The following VWA3B variants were observed in gnomAD, a reference collection of about 807,000 sequenced individuals.
VWA3B encodes the protein von Willebrand factor A domain-containing protein 3B.
Under a neutral mutation model 158.3 loss-of-function variants are expected in VWA3B, and 138 were observed. That is an observed-to-expected ratio of 0.87 (90% CI 0.76 to 1.00). VWA3B has a LOEUF of 1.00. Ranked by LOEUF, VWA3B falls within the 50% of genes least tolerant of loss-of-function variation. The probability of loss-of-function intolerance (pLI) is 0.00; values close to 1 mark genes in which losing one functional copy is unlikely to be tolerated. For missense variants in VWA3B, 1,555 were observed against 1,565.1 expected (o/e 0.99, Z 0.11); for synonymous variants, 596 against 587.3 (o/e 1.01, Z -0.21).
chr2:98,176,393 C>T (rs1462538674), intron 8 of VWA3B, among the ~76,000 whole-genome samples: 3 of 148,412 alleles, frequency 2.0e-5, no homozygotes, highest in African/African-American at 7.5e-5. Flanking sequence ...TTAACTCCAT[C>T]AATCCTGTCT....
intron 7 of VWA3B, among the ~76,000 whole-genome samples, chr2:98,153,558 T>C (rs1024032439): frequency 1.3e-5 from 2 of 152,232 alleles, no homozygotes; most frequent in African/African-American, 4.8e-5. Context: ...GGCAGACACC[T>C]GTGATCTCTA....
intron 6 of VWA3B, among the ~76,000 whole-genome samples, 181 bp downstream of exon 6, chr2:98,128,589 A>G (rs887499506): frequency 1.3e-5 from 2 of 151,664 alleles, no homozygotes; most frequent in African/African-American, 2.4e-5. Flanking sequence ...ATGACTTTCT[A>G]TTTTCTGCAA....
intron 22 of VWA3B, among the ~76,000 whole-genome samples, chr2:98,282,256 C>T (rs1284126302): frequency 6.6e-6 from 1 of 151,236 alleles, no homozygotes; most frequent in South Asian, 2.1e-4. Context: ...CTGAAGCTGG[C>T]CATTGTGCTT....
At chr2:98,214,228 A>T (rs956465582) in intron 13 of VWA3B, among the ~76,000 whole-genome samples, 37 of 152,084 alleles carry the variant, frequency 2.4e-4, no homozygotes, top group Admixed American at 2.0e-4. Flanking sequence ...ACACAAAAAA[A>T]ACAAAAAAAA....
At chr2:98,124,477 G>A (rs1233607999) in intron 5 of VWA3B, among the ~76,000 whole-genome samples, 2 of 152,146 alleles carry the variant, frequency 1.3e-5, no homozygotes, top group African/African-American at 2.4e-5. Context: ...GATCTGAGAG[G>A]TGAACTAGAT....
chr2:98,145,741 A>G (rs1230878559), intron 7 of VWA3B, among the ~76,000 whole-genome samples: 2 of 149,270 alleles, frequency 1.3e-5, no homozygotes, highest in Non-Finnish European at 3.0e-5. Context: ...TTTTTTTGAG[A>G]CAGGTTCTCA....
At chr2:98,135,617 G>A (rs1676227147) in intron 7 of VWA3B, among the ~76,000 whole-genome samples, 2 of 152,142 alleles carry the variant, frequency 1.3e-5, no homozygotes, top group South Asian at 2.1e-4. Flanking sequence ...TTACAGGCGT[G>A]AGCCACCGCG....
chr2:98,122,883 C>T (rs1438002094), intron 5 of VWA3B, among the ~76,000 whole-genome samples: 3 of 152,174 alleles, frequency 2.0e-5, no homozygotes, highest in African/African-American at 4.8e-5. Context: ...AAGAAGCTTC[C>T]AGGCACTGAT....
intron 7 of VWA3B, among the ~76,000 whole-genome samples, chr2:98,148,061 A>G (rs1222244492): frequency 6.6e-6 from 1 of 152,182 alleles, no homozygotes; most frequent in Non-Finnish European, 1.5e-5. Flanking sequence ...ATGGCTGCAT[A>G]GTATTCCATG....
intron 9 of VWA3B, among the ~76,000 whole-genome samples, chr2:98,185,544 G>A (rs1192419307): frequency 6.6e-6 from 1 of 152,216 alleles, no homozygotes; most frequent in Non-Finnish European, 1.5e-5. Flanking sequence ...CTCACTGGCT[G>A]TCCTCTCCTC....
At chr2:98,330,507 G>A in the VWA3B span, among the ~76,000 whole-genome samples, 17 of 152,034 alleles carry the variant, frequency 1.1e-4, no homozygotes, top group Middle Eastern at 3.2e-3. Context: ...AATTCTTAAG[G>A]TCCATCTGGT....
chr2:98,287,744 G>A (rs916088555), intron 22 of VWA3B, among the ~76,000 whole-genome samples: 2 of 152,158 alleles, frequency 1.3e-5, no homozygotes, highest in Admixed American at 1.3e-4. Context: ...GGGTGACATT[G>A]TTCCAGAAAG....
At chr2:98,223,876 G>A (rs62156677) in intron 14 of VWA3B, among the ~76,000 whole-genome samples, 7,201 of 152,080 alleles carry the variant, frequency 0.047, 258 homozygotes, top group Middle Eastern at 0.082. Flanking sequence ...GACTACAGGC[G>A]TGTGCCACCA....
At chr2:98,259,711 A>C (rs975757801) in intron 21 of VWA3B, among the ~76,000 whole-genome samples, 3 of 151,562 alleles carry the variant, frequency 2.0e-5, no homozygotes, top group Admixed American at 6.6e-5. Context: ...GATTCTCTCA[A>C]TTGTTTTTCT....
chr2:98,218,565 A>G (rs942098617), intron 14 of VWA3B, among the ~76,000 whole-genome samples: 2 of 152,232 alleles, frequency 1.3e-5, no homozygotes, highest in African/African-American at 4.8e-5. Flanking sequence ...CTCAGACTAT[A>G]TAACCATTTG....
chr2:98,120,118 G>A (rs1241942441), intron 4 of VWA3B, among the ~76,000 whole-genome samples: 1 of 152,184 alleles, frequency 6.6e-6, no homozygotes, highest in East Asian at 1.9e-4. Flanking sequence ...GAATTCAAAT[G>A]TCACTAATTT....
intron 14 of VWA3B, among the ~76,000 whole-genome samples, chr2:98,225,133 C>T (rs1684818957): frequency 6.6e-6 from 1 of 152,170 alleles, no homozygotes; most frequent in African/African-American, 2.4e-5. Context: ...GGGGTTTCCC[C>T]ATGTTGGCCA....
At chr2:98,241,423 G>C (rs62156687) in intron 19 of VWA3B, among the ~76,000 whole-genome samples, 1 of 151,706 alleles carries the variant, frequency 6.6e-6, no homozygotes, top group African/African-American at 2.4e-5. Flanking sequence ...TTGGAGAGGC[G>C]GGCAGTCAGG....
At chr2:98,314,804 C>T (rs1210991626), downstream of VWA3B, among the ~76,000 whole-genome samples, 1 of 152,092 alleles carries the variant, frequency 6.6e-6, no homozygotes, top group East Asian at 1.9e-4. Flanking sequence ...GGGTGGATCA[C>T]CTGAGCTCAG....
Sources: allele counts gnomAD v4.1 joint callset (sites outside exome capture counted in the v4.1 genomes callset), GRCh38; gene constraint gnomAD v4.1.1; transcripts MANE v1.5; gene names NCBI Gene and HGNC (gene_info 2026-07-23, HGNC 2026-07-21).